FHIT: variants seen among roughly 807,000 people sequenced by gnomAD.
The protein encoded by FHIT is bis(5'-adenosyl)-triphosphatase.
A neutral mutation model predicts 17.9 loss-of-function variants in FHIT; 19 were observed. The ratio of observed to expected loss-of-function variants is 1.06; its 90% CI spans 0.74 to 1.56. The LOEUF is 1.56. Among genes scored for constraint, FHIT ranks in the 40% most tolerant of loss-of-function variants. FHIT has a pLI of 0.00. For missense variants in FHIT, 248 were observed against 189.2 expected, an observed-to-expected ratio of 1.31 and a Z score of -1.82; for synonymous variants, 81 against 69.7, an observed-to-expected ratio of 1.16 and a Z score of -0.81.
intron 4 of FHIT, among the ~76,000 whole-genome samples, chr3:60,549,863 G>T (rs957143641): frequency 7.2e-5 from 11 of 152,128 alleles, no homozygotes; most frequent in African/African-American, 2.4e-4. Context: ...ATTATGGCCA[G>T]GAATATTAAG....
At chr3:60,190,749 A>C (rs1702366009) in intron 5 of FHIT, among the ~76,000 whole-genome samples, 1 of 152,070 alleles carries the variant, frequency 6.6e-6, no homozygotes, top group African/African-American at 2.4e-5. Context: ...ATGTACCCTA[A>C]AACTTAAAGT....
At chr3:60,219,442 C>T (rs1156746614) in intron 5 of FHIT, among the ~76,000 whole-genome samples, 1 of 152,062 alleles carries the variant, frequency 6.6e-6, no homozygotes, top group Non-Finnish European at 1.5e-5. Flanking sequence ...TTATGTTAAA[C>T]AAAAGGTAGT....
At chr3:60,436,726 C>A (rs561100196) in intron 5 of FHIT, among the ~76,000 whole-genome samples, 54 of 152,186 alleles carry the variant, frequency 3.5e-4, no homozygotes, top group African/African-American at 1.3e-3. Flanking sequence ...AAGCAACATA[C>A]GCTGCTCATC....
chr3:60,426,541 C>G (rs1702673838), intron 5 of FHIT, among the ~76,000 whole-genome samples: 1 of 152,088 alleles, frequency 6.6e-6, no homozygotes, highest in African/African-American at 2.4e-5. Context: ...TATCACTGCT[C>G]ACATTCATTC....
At chr3:60,322,809 C>G (rs971149611) in intron 5 of FHIT, among the ~76,000 whole-genome samples, 2 of 152,074 alleles carry the variant, frequency 1.3e-5, no homozygotes, top group Non-Finnish European at 2.9e-5. Flanking sequence ...CCTTGATTAT[C>G]ACATTACAAA....
intron 5 of FHIT, among the ~76,000 whole-genome samples, chr3:60,353,492 A>C (rs970597538): frequency 6.6e-6 from 1 of 152,134 alleles, no homozygotes; most frequent in Non-Finnish European, 1.5e-5. Context: ...GGTGTTCCCT[A>C]CATCTCCTTC....
chr3:60,851,019 A>T (rs1041048650), intron 3 of FHIT, among the ~76,000 whole-genome samples: 1 of 152,138 alleles, frequency 6.6e-6, no homozygotes, highest in East Asian at 1.9e-4. Context: ...TACACAAAGG[A>T]AAGCTCACAT....
intron 5 of FHIT, among the ~76,000 whole-genome samples, chr3:60,339,365 C>T (rs913498743): frequency 2.6e-5 from 4 of 152,238 alleles, no homozygotes; most frequent in South Asian, 2.1e-4. Flanking sequence ...ACAAAGACCA[C>T]GTCTAAAAGT....
intron 5 of FHIT, among the ~76,000 whole-genome samples, chr3:60,489,952 C>T (rs1306291932): frequency 6.6e-6 from 1 of 152,084 alleles, no homozygotes; most frequent in African/African-American, 2.4e-5. Context: ...TACCTCAGTG[C>T]TCTTCATGTA....
chr3:60,398,302 C>T (rs1163329366), intron 5 of FHIT, among the ~76,000 whole-genome samples: 1 of 152,138 alleles, frequency 6.6e-6, no homozygotes, highest in Non-Finnish European at 1.5e-5. Context: ...TCTGCAACTT[C>T]TCTCCTGAAA....
At chr3:59,871,897 C>A (rs927800374) in intron 8 of FHIT, among the ~76,000 whole-genome samples, 1 of 152,100 alleles carries the variant, frequency 6.6e-6, no homozygotes, top group Non-Finnish European at 1.5e-5. Flanking sequence ...GCACTGAAGA[C>A]AAGAAGAGTC....
chr3:60,660,729 C>CTTTTTTTTTTTTTT lies in FHIT; in HGVS notation c.-17-123764_-17-123751dup. Among the ~76,000 whole-genome samples, 359 of 37,256 alleles carry CTTTTTTTTTTTTTT rather than the reference C, an allele frequency of 9.6e-3. 66 individuals carry two copies. The highest frequency in any genetic ancestry group is 0.012 in the Non-Finnish European group (227 of 18,226). 24.4% of individuals were successfully genotyped at this position (37,256 alleles called of 152,430 possible). A position where few individuals can be genotyped will look rare whatever the true frequency, so the allele number is the denominator to read the frequency against. On this transcript the variant is annotated intron_variant, in intron 4 of 9. Coordinates refer to ENST00000492590, the MANE Select transcript of FHIT (RefSeq NM_002012.4). ...GATGTGGAATATCTTTTATTGTGCT[C>CTTTTTTTTTTTTTT]TTTTTTTTTTTTTTTTTTTTTGCCA...
chr3:60,282,523 T>A (rs924145825), intron 5 of FHIT, among the ~76,000 whole-genome samples: 1 of 152,150 alleles, frequency 6.6e-6, no homozygotes, highest in African/African-American at 2.4e-5. Flanking sequence ...TAAAACTCCA[T>A]AGAACCACAG....
At chr3:61,072,970 GA>G (rs1402124785) in intron 2 of FHIT, among the ~76,000 whole-genome samples, 2 of 152,026 alleles carry the variant, frequency 1.3e-5, no homozygotes, top group African/African-American at 4.8e-5. Context: ...TGCACAACAG[GA>G]CCCAATTTCT....
intron 4 of FHIT, among the ~76,000 whole-genome samples, chr3:60,649,898 TAAC>T (rs1368658367): frequency 4.6e-5 from 7 of 152,196 alleles, no homozygotes; most frequent in African/African-American, 1.4e-4. Flanking sequence ...AACCAGGGCC[TAAC>T]AACAAGGCTC....
In FHIT at chr3:59,885,557, G is replaced by A. The variant is rs1404697000; in HGVS notation, c.348+36789C>T. Among the ~76,000 whole-genome samples the A allele has an allele frequency of 3.3e-5, 5 of 151,618 alleles. No homozygotes were observed. In the East Asian group the frequency reaches 9.7e-4, roughly 29 times the overall value. Reference sequence around the variant, plus strand: ...CTGCAGCCTATTGGATTTCGGTTTAGTAGAGTACAGTGCTCTGTTTGATCA... The same window carrying A: ...CTGCAGCCTATTGGATTTCGGTTTAATAGAGTACAGTGCTCTGTTTGATCA... On this transcript the variant is annotated intron_variant, in intron 8 of 9. Transcript: ENST00000492590.
At chr3:60,563,603 A>T (rs2037030952) in intron 4 of FHIT, among the ~76,000 whole-genome samples, 1 of 152,232 alleles carries the variant, frequency 6.6e-6, no homozygotes, top group Admixed American at 6.5e-5. Flanking sequence ...ACTCCAGTGA[A>T]CACACAAACA....
intron 2 of FHIT, among the ~76,000 whole-genome samples, chr3:61,088,981 G>C (rs1157953569): frequency 6.6e-6 from 1 of 152,132 alleles, no homozygotes; most frequent in Non-Finnish European, 1.5e-5. Flanking sequence ...AAGAAGATTA[G>C]GATGGAGGTA....
intron 4 of FHIT, among the ~76,000 whole-genome samples, chr3:60,637,809 G>C (rs1553684316): frequency 2.0e-5 from 3 of 152,140 alleles, no homozygotes; most frequent in South Asian, 2.1e-4. Context: ...GTTGTACTTA[G>C]TGCCTCTATT....
Sources: gnomAD v4.1 joint callset for allele counts (sites outside exome capture counted in the v4.1 genomes callset) on GRCh38, gnomAD v4.1.1 for gene constraint, MANE v1.5 for transcripts, NCBI Gene and HGNC (gene_info 2026-07-23, HGNC 2026-07-21) for gene names.